KLHL29: variants seen among roughly 807,000 people sequenced by gnomAD.
The protein encoded by KLHL29 is kelch like family member 29.
A neutral mutation model predicts 80.4 loss-of-function variants in KLHL29; 21 were observed. The observed-to-expected ratio is 0.26, with a 90% CI of 0.19 to 0.38. The LOEUF is 0.38. KLHL29 is among the 10% of genes least tolerant of loss of function. KLHL29 has a pLI of 1.00. For synonymous variants in KLHL29, 511 were observed against 526.8 expected, an observed-to-expected ratio of 0.97 and a Z score of 0.41; for missense variants, 867 against 1,223.9, an observed-to-expected ratio of 0.71 and a Z score of 4.35.
At chr2:23,455,430 G>A (rs1283794948) in intron 1 of KLHL29, among the ~76,000 whole-genome samples, 1 of 152,148 alleles carries the variant, frequency 6.6e-6, no homozygotes. Context: ...TTGGTCTGTT[G>A]TTAGTGAAGG....
At chr2:23,424,622 A>G (rs1662955178) in intron 1 of KLHL29, among the ~76,000 whole-genome samples, 1 of 152,198 alleles carries the variant, frequency 6.6e-6, no homozygotes, top group Non-Finnish European at 1.5e-5. Flanking sequence ...ATCTGATCCA[A>G]GTTCTTATAT....
rs1667724293 is a variant in KLHL29 at position 23,571,867 on chromosome 2, TAAA to T, written c.285+9390_285+9392del. On this transcript the variant is annotated intron_variant, in intron 3 of 13. Coordinates refer to ENST00000486442, the MANE Select transcript of KLHL29 (RefSeq NM_052920.2). Reference sequence around the variant, plus strand: ...ATTTTCTAGTTGTGTGAAAAAGAAATAAAAAACAACCGCCTCCATTGCACAGAC... The same window carrying T: ...ATTTTCTAGTTGTGTGAAAAAGAAATAAACAACCGCCTCCATTGCACAGAC... Among the ~76,000 whole-genome samples, 4 of 151,772 alleles carry T rather than the reference TAAA, an allele frequency of 2.6e-5. No individual in the cohort carries two copies. The South Asian group carries it at 8.4e-4, about 32-fold the overall frequency.
At position 23,621,730 on chromosome 2, in the gene KLHL29, G is replaced by T. The variant is rs1669188918; in HGVS notation, c.286-17409G>T. On this transcript the variant is annotated intron_variant, in intron 3 of 13. Coordinates refer to ENST00000486442, the MANE Select transcript of KLHL29 (RefSeq NM_052920.2). ...GAAGGCGCTGCCAAAATGAAGTGCA[G>T]CAGAAAGCTGCCCCTCTCCACTTTG... Among the ~76,000 whole-genome samples the T allele has an allele frequency of 2.6e-5, 4 of 152,312 alleles. No homozygotes were observed. The South Asian group carries it at 8.3e-4, about 32-fold the overall frequency.
chr2:23,512,275 G>T (rs1391359398), intron 2 of KLHL29, among the ~76,000 whole-genome samples: 1 of 152,090 alleles, frequency 6.6e-6, no homozygotes, highest in African/African-American at 2.4e-5. Flanking sequence ...GAGAAACTCT[G>T]TCTCTACTAA....
chr2:23,452,241 C>G (rs1267257292), intron 1 of KLHL29, among the ~76,000 whole-genome samples: 1 of 151,152 alleles, frequency 6.6e-6, no homozygotes, highest in Admixed American at 6.6e-5. Context: ...AGGCTGGTCT[C>G]CAGTTCCTGA....
chr2:23,628,921 C>T (rs1043446837), intron 3 of KLHL29, among the ~76,000 whole-genome samples: 2 of 152,314 alleles, frequency 1.3e-5, no homozygotes, highest in East Asian at 3.9e-4. Flanking sequence ...CCCGCAGGGC[C>T]GGCAGTTGGA....
In KLHL29 at chr2:23,639,296, G is replaced by C. The variant is rs62127273; in HGVS notation, c.427+16G>C. ...GACAATCCAGGTACGTACCTCATCG[G>C]CAGATAGAAACGACTGAGCCCAGGG... is the stretch of plus-strand genomic sequence containing the variant. On this transcript the variant is annotated intron_variant, in intron 4 of 13. Transcript: ENST00000486442. 6.5e-7 allele frequency: 1 copy of C among 1,543,334 alleles called. No homozygotes were observed. Among genetic ancestry groups the C allele is most frequent in the Non-Finnish European group, 8.7e-7 (1 of 1,144,036 alleles).
rs1212036025 is a variant in KLHL29 at position 23,708,023 on chromosome 2, G to A, written c.*1359G>A. On this transcript the variant is annotated 3_prime_UTR_variant, in exon 14 of 14. Transcript: ENST00000486442. ...GCCGCCACTGCGCTGTTGAGTTGAA[G>A]TTGGTACCAAATACACATTTACCAC... 6.6e-6 allele frequency: 1 copy of A among 152,210 alleles called. No homozygotes were observed. The allele number at this position is 152,210 out of a possible 1,614,324, so 9.4% of individuals were successfully genotyped here.
At chr2:23,698,013 C>CTGTT (rs1672081672) in intron 11 of KLHL29, 1 of 152,244 alleles carries the variant, frequency 6.6e-6, no homozygotes, top group Non-Finnish European at 1.5e-5. Context: ...CAAACTTATA[C>CTGTT]TGTTGATAAA....
At chr2:23,699,066 G>A (rs781203256) in intron 11 of KLHL29, among the ~76,000 whole-genome samples, 15 of 152,148 alleles carry the variant, frequency 9.9e-5, no homozygotes, top group African/African-American at 1.4e-4. Flanking sequence ...ATTTGTCTGG[G>A]GCTTAATTGA....
chr2:23,443,340 T>C (rs775899150), intron 1 of KLHL29, among the ~76,000 whole-genome samples: 18 of 152,188 alleles, frequency 1.2e-4, no homozygotes, highest in Non-Finnish European at 2.6e-4. Flanking sequence ...CCTAATAAGA[T>C]AAAAAATTCT....
chr2:23,397,427 G>T (rs568493593), intron 1 of KLHL29, among the ~76,000 whole-genome samples: 118 of 152,370 alleles, frequency 7.7e-4, no homozygotes, highest in Non-Finnish European at 1.3e-3. Context: ...GGCAGCAGGG[G>T]TGGGGTGGTC....
chr2:23,489,815 T>C (rs1665043683), intron 2 of KLHL29, among the ~76,000 whole-genome samples: 1 of 151,048 alleles, frequency 6.6e-6, no homozygotes, highest in African/African-American at 2.4e-5. Context: ...CTGGGTGGGG[T>C]GGGCGGTACC....
intron 3 of KLHL29, among the ~76,000 whole-genome samples, chr2:23,612,600 G>A (rs1668896303): frequency 6.6e-6 from 1 of 152,086 alleles, no homozygotes; most frequent in South Asian, 2.1e-4. Flanking sequence ...AAATTAGGTG[G>A]TCATGGTGGT....
chr2:23,661,602 G>A (rs1241846435), intron 5 of KLHL29, among the ~76,000 whole-genome samples: 1 of 152,250 alleles, frequency 6.6e-6, no homozygotes, highest in African/African-American at 2.4e-5. Flanking sequence ...CTGGGACCAG[G>A]TCAGTTATCT....
chr2:23,538,970 T>A (rs138758162), intron 2 of KLHL29, among the ~76,000 whole-genome samples: 27 of 152,368 alleles, frequency 1.8e-4, no homozygotes, highest in African/African-American at 5.8e-4. Context: ...TAAGATTGAT[T>A]AGATGCATTC....
chr2:23,569,092 G>A (rs116226797), intron 3 of KLHL29, among the ~76,000 whole-genome samples: 2 of 152,230 alleles, frequency 1.3e-5, no homozygotes, highest in African/African-American at 2.4e-5. Flanking sequence ...TCCAGGGTTA[G>A]TGGGACTGGA....
At chr2:23,630,546 C>T (rs1572451504) in intron 3 of KLHL29, among the ~76,000 whole-genome samples, 2 of 152,242 alleles carry the variant, frequency 1.3e-5, no homozygotes, top group Middle Eastern at 3.4e-3. Flanking sequence ...GGCAGTGGTG[C>T]TATCTTGGCT....
chr2:23,587,439 C>T (rs1288438128), intron 3 of KLHL29, among the ~76,000 whole-genome samples: 1 of 152,124 alleles, frequency 6.6e-6, no homozygotes, highest in African/African-American at 2.4e-5. Context: ...TTGCTGTTCT[C>T]AAGCCCTCGT....
Sources: allele counts gnomAD v4.1 joint callset (sites outside exome capture counted in the v4.1 genomes callset), GRCh38; gene constraint gnomAD v4.1.1; transcripts MANE v1.5; gene names NCBI Gene and HGNC (gene_info 2026-07-23, HGNC 2026-07-21).